The following FAM240A variants were observed in gnomAD, a reference collection of about 807,000 sequenced individuals.
FAM240A encodes protein FAM240A.
Under a neutral mutation model 7.3 loss-of-function variants are expected in FAM240A, and 8 were observed. The ratio of observed to expected loss-of-function variants is 1.09; its 90% CI spans 0.64 to 1.97. The LOEUF is 1.97. Among genes scored for constraint, FAM240A ranks in the 30% most tolerant of loss-of-function variants. The pLI, the probability that FAM240A is intolerant of heterozygous loss-of-function variation, is 0.00. For missense variants in FAM240A, 90 were observed against 102.2 expected (o/e 0.88, Z 0.52); for synonymous variants, 32 against 35.9 (o/e 0.89, Z 0.38).
intron 1 of FAM240A, among the ~76,000 whole-genome samples, chr3:46,613,325 C>T (rs1447400397): frequency 6.6e-6 from 1 of 151,976 alleles, no homozygotes; most frequent in South Asian, 2.1e-4. Context: ...GAAACCCTGT[C>T]TCTACTAAAA....
intron 1 of FAM240A, among the ~76,000 whole-genome samples, chr3:46,615,461 G>A (rs916521241): frequency 9.2e-5 from 14 of 152,048 alleles, no homozygotes; most frequent in East Asian, 5.8e-4. Context: ...TGCCCCTCCC[G>A]TCCTGGTCAC....
At chr3:46,622,730 T>C (rs980898632) in intron 2 of FAM240A, among the ~76,000 whole-genome samples, 1 of 152,218 alleles carries the variant, frequency 6.6e-6, no homozygotes, top group Non-Finnish European at 1.5e-5. Flanking sequence ...GTCCCATTGA[T>C]CTATTTGTCC....
chr3:46,619,168 T>C (rs1262467703), intron 2 of FAM240A, among the ~76,000 whole-genome samples: 1 of 152,034 alleles, frequency 6.6e-6, no homozygotes, highest in East Asian at 1.9e-4. Context: ...GCAGCAGCAA[T>C]ACGCCAAAGG....
At position 46,625,248 on chromosome 3, in the gene FAM240A, T is replaced by C; in HGVS notation, c.*30T>C. 1 of 1,471,188 alleles carries C rather than the reference T, an allele frequency of 6.8e-7. No homozygotes were observed. The highest frequency in any genetic ancestry group is 1.2e-5 in the South Asian group (1 of 81,204). 91.1% of individuals were successfully genotyped at this position (1,471,188 alleles called of 1,614,324 possible). On this transcript the variant is annotated 3_prime_UTR_variant, in exon 3 of 3. Transcript: ENST00000640551. Reference sequence around the variant, plus strand: ...TTCCTGCTTCATTGACACAAGAAGATGCAAAACACTGAGGTCACTTTGCTA... The same window carrying C: ...TTCCTGCTTCATTGACACAAGAAGACGCAAAACACTGAGGTCACTTTGCTA...
chr3:46,617,400 T>G lies in FAM240A; in HGVS notation c.161+72T>G, dbSNP rs1575385044. 4.4e-6 allele frequency: 6 copies of G among 1,355,506 alleles called. No individual in the cohort carries two copies. The East Asian group carries it at 1.5e-4, about 35-fold the overall frequency. 84.0% of individuals were successfully genotyped at this position (1,355,506 alleles called of 1,614,324 possible). On this transcript the variant is annotated intron_variant, in intron 2 of 2. Coordinates refer to ENST00000640551, the MANE Select transcript of FAM240A (RefSeq NM_001195442.2). ...ATACATCGTATAATTTAGAACAGTT[T>G]TAGGTTCACAGCAAAATTGAGCAGA...
chr3:46,624,458 G>T (rs928059936), intron 2 of FAM240A, among the ~76,000 whole-genome samples: 1 of 151,840 alleles, frequency 6.6e-6, no homozygotes, highest in East Asian at 1.9e-4. Context: ...TTTTAGTAGA[G>T]ACAGGGTTTC....
chr3:46,616,956 A>G (rs367709398), intron 1 of FAM240A, among the ~76,000 whole-genome samples: 2 of 152,228 alleles, frequency 1.3e-5, no homozygotes, highest in East Asian at 1.9e-4. Context: ...AAGAGGTTGT[A>G]CTAATTTACA....
At chr3:46,617,965 C>T (rs547366942) in intron 2 of FAM240A, among the ~76,000 whole-genome samples, 1 of 152,318 alleles carries the variant, frequency 6.6e-6, no homozygotes, top group East Asian at 1.9e-4. Context: ...AGGCTCACTG[C>T]CCTCACACAC....
In FAM240A at chr3:46,626,090, G is replaced by A. The variant is rs553592796; in HGVS notation, c.*872G>A. The A allele has an allele frequency of 2.0e-5, 3 of 152,380 alleles. No individual in the cohort carries two copies. The South Asian group carries it at 6.2e-4, about 32-fold the overall frequency. The allele number at this position is 152,380 out of a possible 1,614,324, so 9.4% of individuals were successfully genotyped here. A position where few individuals can be genotyped will look rare whatever the true frequency, so the allele number is the denominator to read the frequency against. ...TTATTTTAACCAAGGGAAGGGAGAA[G>A]AGATGCAATGATATAAAGTCCTGGG... is the stretch of plus-strand genomic sequence containing the variant. On this transcript the variant is annotated 3_prime_UTR_variant, in exon 3 of 3. Transcript: ENST00000640551.
At chr3:46,613,000 T>C (rs1485697295) in intron 1 of FAM240A, among the ~76,000 whole-genome samples, 1 of 152,214 alleles carries the variant, frequency 6.6e-6, no homozygotes, top group African/African-American at 2.4e-5. Context: ...TGTGAAGGAA[T>C]GGGCTAAACC....
At chr3:46,618,356 C>T (rs1021516852) in intron 2 of FAM240A, among the ~76,000 whole-genome samples, 2 of 152,192 alleles carry the variant, frequency 1.3e-5, no homozygotes, top group South Asian at 2.1e-4. Flanking sequence ...CTGCCATCTT[C>T]GTCCCCCAGG....
intron 2 of FAM240A, among the ~76,000 whole-genome samples, chr3:46,622,591 T>C (rs952338290): frequency 5.9e-5 from 9 of 152,200 alleles, no homozygotes; most frequent in African/African-American, 2.2e-4. Flanking sequence ...GCAGTTCACT[T>C]TTTTTGCATA....
chr3:46,616,897 A>G (rs1285566099), intron 1 of FAM240A, among the ~76,000 whole-genome samples: 1 of 152,174 alleles, frequency 6.6e-6, no homozygotes, highest in African/African-American at 2.4e-5. Flanking sequence ...GCTGGATCAA[A>G]TGGTAGATCT....
In FAM240A at chr3:46,626,320, G is replaced by A. The variant is rs1213425553; in HGVS notation, c.*1102G>A. The A allele has an allele frequency of 6.6e-6, 1 of 152,214 alleles. No individual in the cohort carries two copies. Among genetic ancestry groups the A allele is most frequent in the Non-Finnish European group, 1.5e-5 (1 of 68,044 alleles). The allele number at this position is 152,214 out of a possible 1,614,324, so 9.4% of individuals were successfully genotyped here. A position where few individuals can be genotyped will look rare whatever the true frequency, so the allele number is the denominator to read the frequency against. The stretch of plus-strand genomic sequence containing the variant: ...CAACCGGGAGTTTCATACCTTAATT[G>A]TGAAGGACACCTGAACCCCCAGCCA... On this transcript the variant is annotated 3_prime_UTR_variant, in exon 3 of 3. Coordinates refer to ENST00000640551, the MANE Select transcript of FAM240A (RefSeq NM_001195442.2).
chr3:46,618,918 C>CGCAGT (rs1697665336), intron 2 of FAM240A, among the ~76,000 whole-genome samples: 1 of 115,968 alleles, frequency 8.6e-6, no homozygotes. Flanking sequence ...CACACACACA[C>CGCAGT]ATATGCAGTA....
chr3:46,615,311 GC>G (rs1472897491), intron 1 of FAM240A, among the ~76,000 whole-genome samples: 1 of 151,740 alleles, frequency 6.6e-6, no homozygotes, highest in Non-Finnish European at 1.5e-5. Flanking sequence ...ATCCAGCACA[GC>G]CTGAGCCCAC....
rs567434703 is a variant in FAM240A, at chr3:46,623,998, C to A, written c.162-1130C>A. 5.3e-5 allele frequency among the ~76,000 whole-genome samples: 8 copies of A among 151,996 alleles called. No homozygotes were observed. In the South Asian group the frequency reaches 1.7e-3, roughly 32 times the overall value. On this transcript the variant is annotated intron_variant, in intron 2 of 2. Coordinates refer to ENST00000640551, the MANE Select transcript of FAM240A (RefSeq NM_001195442.2). ...GATCAAGTGAGTATTTTTTATGATTCCATGTTATCTCTTCTGTTGGCTATT... is the reference window on the plus strand; with the variant it reads ...GATCAAGTGAGTATTTTTTATGATTACATGTTATCTCTTCTGTTGGCTATT...
At chr3:46,625,043 G>A in intron 2 of FAM240A, 85 bp from the exon 3 acceptor site, 4 of 942,522 alleles carry the variant, frequency 4.2e-6, no homozygotes, top group Non-Finnish European at 3.2e-6. Context: ...CAATTTCAGG[G>A]GCTGGGAGGA....
intron 1 of FAM240A, among the ~76,000 whole-genome samples, chr3:46,615,246 A>G (rs17079010): frequency 0.11 from 17,377 of 151,870 alleles, 1,040 homozygotes; most frequent in Middle Eastern, 0.16. Context: ...TGTGTCAGGC[A>G]CCCCTCCAGT....
Sources: allele counts gnomAD v4.1 joint callset (sites outside exome capture counted in the v4.1 genomes callset), GRCh38; gene constraint gnomAD v4.1.1; transcripts MANE v1.5; gene names NCBI Gene and HGNC (gene_info 2026-07-23, HGNC 2026-07-21).